The following TAF3 variants were observed in gnomAD, a reference collection of about 807,000 sequenced individuals.
TAF3 encodes TATA-box binding protein associated factor 3.
A neutral mutation model predicts 80.6 loss-of-function variants in TAF3; 7 were observed. That is an observed-to-expected ratio of 0.09 (90% CI 0.05 to 0.16). TAF3 has a LOEUF of 0.16. TAF3 is among the 10% of genes least tolerant of loss of function. The pLI, the probability that TAF3 is intolerant of heterozygous loss-of-function variation, is 1.00. For synonymous variants in TAF3, 444 were observed against 446.1 expected (o/e 1.00, Z 0.06); for missense variants, 921 against 1,140.2 (o/e 0.81, Z 2.77).
chr10:7,955,491 C>T (rs1838126203), intron 2 of TAF3, among the ~76,000 whole-genome samples: 1 of 152,168 alleles, frequency 6.6e-6, no homozygotes, highest in Admixed American at 6.5e-5. Context: ...AGAATACAAG[C>T]ATATTTTCTG....
At chr10:7,908,740 G>A (rs1049138154) in intron 2 of TAF3, among the ~76,000 whole-genome samples, 6 of 152,224 alleles carry the variant, frequency 3.9e-5, no homozygotes, top group African/African-American at 1.2e-4. Context: ...TTCAACAAAC[G>A]TTTACAGGGA....
At chr10:7,962,334 C>G (rs1831515544) in intron 2 of TAF3, among the ~76,000 whole-genome samples, 1 of 152,134 alleles carries the variant, frequency 6.6e-6, no homozygotes, top group South Asian at 2.1e-4. Flanking sequence ...TGTTATTGCT[C>G]TCCTTCAGTA....
chr10:7,846,237 A>G lies in TAF3; in HGVS notation c.409+21677A>G, dbSNP rs192573800. Among the ~76,000 whole-genome samples the G allele has an allele frequency of 3.3e-3, 498 of 152,306 alleles. 4 individuals are homozygous for G. Among genetic ancestry groups the G allele is most frequent in the Middle Eastern group, 0.017 (5 of 294 alleles). On this transcript the variant is annotated intron_variant, in intron 2 of 6. Transcript: ENST00000344293. ...CTCCCGAAGTGCTGGCATTACAGGC[A>G]TGAGCCACTGCGCCCGGCCAAAAGG...
chr10:7,950,280 G>A (rs779475324), intron 2 of TAF3, among the ~76,000 whole-genome samples: 20 of 152,188 alleles, frequency 1.3e-4, no homozygotes, highest in Non-Finnish European at 2.4e-4. Flanking sequence ...GAGAAATATA[G>A]AACGACCCAG....
intron 2 of TAF3, among the ~76,000 whole-genome samples, chr10:7,898,814 GT>G (rs201095581): frequency 1.3e-5 from 2 of 149,474 alleles, no homozygotes; most frequent in Admixed American, 6.7e-5. Flanking sequence ...TTTTCTTTGA[GT>G]TTTTTTTTTC....
chr10:7,981,223 C>T (rs1299891664), intron 4 of TAF3, among the ~76,000 whole-genome samples: 1 of 152,216 alleles, frequency 6.6e-6, no homozygotes, highest in Non-Finnish European at 1.5e-5. Flanking sequence ...TCTTTTGCTG[C>T]TGTCTTCTCC....
chr10:7,897,875 G>A (rs1252916246), intron 2 of TAF3, among the ~76,000 whole-genome samples: 1 of 151,904 alleles, frequency 6.6e-6, no homozygotes. Context: ...TGCCCAGGCT[G>A]GTTTTCAACT....
At chr10:7,905,435 T>C (rs1212176977) in intron 2 of TAF3, among the ~76,000 whole-genome samples, 2 of 152,220 alleles carry the variant, frequency 1.3e-5, no homozygotes, top group Non-Finnish European at 2.9e-5. Context: ...AAAATGTAAG[T>C]AATTATTGCT....
At chr10:7,991,997 G>T (rs578016954) in intron 4 of TAF3, among the ~76,000 whole-genome samples, 1 of 152,214 alleles carries the variant, frequency 6.6e-6, no homozygotes, top group East Asian at 1.9e-4. Flanking sequence ...AAAAAGTAAA[G>T]GTGTATCTTT....
At chr10:7,878,985 C>T (rs752262581) in intron 2 of TAF3, among the ~76,000 whole-genome samples, 1 of 152,088 alleles carries the variant, frequency 6.6e-6, no homozygotes, top group Non-Finnish European at 1.5e-5. Context: ...ACCTCAGCTT[C>T]CCAAAATGCT....
intron 4 of TAF3, among the ~76,000 whole-genome samples, chr10:7,996,670 TAC>T (rs1457807935): frequency 6.6e-6 from 1 of 151,946 alleles, no homozygotes; most frequent in Non-Finnish European, 1.5e-5. Context: ...TCTGTATTCT[TAC>T]GTTGAGGCAG....
chr10:7,884,409 G>A lies in TAF3; in HGVS notation c.409+59849G>A, dbSNP rs887392519. ...TCTGCCTCCTTTTTTTTTTTGAGAT[G>A]GAGTTTTGCTTTTGTTGCCCAGGTT... On this transcript the variant is annotated intron_variant, in intron 2 of 6. Transcript: ENST00000344293. 7.0e-4 allele frequency among the ~76,000 whole-genome samples: 23 copies of A among 32,770 alleles called. 1 individual carries two copies. Among genetic ancestry groups the A allele is most frequent in the Non-Finnish European group, 1.8e-3 (20 of 10,870 alleles). 21.5% of individuals were successfully genotyped at this position (32,770 alleles called of 152,430 possible).
intron 2 of TAF3, among the ~76,000 whole-genome samples, chr10:7,927,036 G>A (rs1009367920): frequency 6.6e-6 from 1 of 152,074 alleles, no homozygotes; most frequent in Non-Finnish European, 1.5e-5. Context: ...CACAGAAAAC[G>A]ATAAGATCAT....
At chr10:7,918,278 G>A (rs1837731105) in intron 2 of TAF3, among the ~76,000 whole-genome samples, 1 of 152,160 alleles carries the variant, frequency 6.6e-6, no homozygotes, top group South Asian at 2.1e-4. Flanking sequence ...ATGAAGAGTG[G>A]GAGAGAGAAT....
intron 2 of TAF3, among the ~76,000 whole-genome samples, chr10:7,895,422 G>T (rs1588542417): frequency 6.6e-6 from 1 of 152,208 alleles, no homozygotes; most frequent in Admixed American, 6.5e-5. Context: ...ACATCCCACG[G>T]CTCTGTTTTT....
chr10:7,887,033 AG>A (rs927292109), intron 2 of TAF3, among the ~76,000 whole-genome samples: 5 of 152,088 alleles, frequency 3.3e-5, no homozygotes, highest in Admixed American at 3.3e-4. Context: ...CAGGAGCCTG[AG>A]ACCATCCTGG....
At chr10:7,830,964 A>C in intron 2 of TAF3, among the ~76,000 whole-genome samples, 1 of 152,172 alleles carries the variant, frequency 6.6e-6, no homozygotes, top group Non-Finnish European at 1.5e-5. Context: ...CTGAGGCTTG[A>C]CCAGATTTAG....
chr10:7,918,381 A>C (rs955407047), intron 2 of TAF3, among the ~76,000 whole-genome samples: 4 of 152,172 alleles, frequency 2.6e-5, no homozygotes, highest in Non-Finnish European at 4.4e-5. Flanking sequence ...GCAGTGCCAC[A>C]TGTAGACTTA....
chr10:7,885,206 T>C (rs1837398035), intron 2 of TAF3, among the ~76,000 whole-genome samples: 1 of 151,560 alleles, frequency 6.6e-6, no homozygotes, highest in Admixed American at 6.6e-5. Context: ...AATTGCATAC[T>C]TAAAAATATT....
Sources: allele counts gnomAD v4.1 joint callset (sites outside exome capture counted in the v4.1 genomes callset), GRCh38; gene constraint gnomAD v4.1.1; transcripts MANE v1.5; gene names NCBI Gene and HGNC (gene_info 2026-07-23, HGNC 2026-07-21).